The following MYO1D variants were observed in gnomAD, a reference collection of about 807,000 sequenced individuals.
MYO1D encodes unconventional myosin-Id.
In MYO1D, 83 loss-of-function variants were observed where a neutral mutation model predicts 122.0. The ratio of observed to expected loss-of-function variants is 0.68; its 90% CI spans 0.57 to 0.82. The LOEUF (loss-of-function observed/expected upper bound fraction) is 0.82, where lower values mean the gene tolerates loss of function less well. Among genes scored for constraint, MYO1D ranks in the 40% least tolerant of loss-of-function variants. MYO1D has a pLI of 0.00. For missense variants in MYO1D, 1,157 were observed against 1,269.5 expected (o/e 0.91, Z 1.35); for synonymous variants, 464 against 446.9 (o/e 1.04, Z -0.48).
chr17:32,611,990 T>C (rs114727271), intron 20 of MYO1D, among the ~76,000 whole-genome samples: 3,383 of 152,214 alleles, frequency 0.022, 125 homozygotes, highest in African/African-American at 0.075. Context: ...TTCTAACCAG[T>C]AGTAAAAAGA....
chr17:32,766,421 C>T (rs1598080452), intron 7 of MYO1D, among the ~76,000 whole-genome samples: 1 of 152,156 alleles, frequency 6.6e-6, no homozygotes, highest in African/African-American at 2.4e-5. Context: ...TCCTCCCTTA[C>T]CCTACCCTAT....
chr17:32,866,615 A>G (rs2091127178), intron 1 of MYO1D, among the ~76,000 whole-genome samples: 1 of 152,270 alleles, frequency 6.6e-6, no homozygotes, highest in African/African-American at 2.4e-5. Flanking sequence ...CTTGTGCTGC[A>G]TTAGAAGTAT....
chr17:32,570,753 G>C (rs2087218479), intron 21 of MYO1D, among the ~76,000 whole-genome samples: 1 of 152,176 alleles, frequency 6.6e-6, no homozygotes, highest in African/African-American at 2.4e-5. Flanking sequence ...TAAAAACTCA[G>C]TGACATCCCA....
chr17:32,510,054 G>T (rs1449108754), intron 21 of MYO1D: 1 of 152,100 alleles, frequency 6.6e-6, no homozygotes, highest in East Asian at 1.9e-4. Flanking sequence ...GTCATTATGG[G>T]GCACTGTCAT....
intron 16 of MYO1D, among the ~76,000 whole-genome samples, chr17:32,678,282 C>T (rs1435049051): frequency 1.3e-5 from 2 of 150,666 alleles, no homozygotes; most frequent in East Asian, 1.9e-4. Flanking sequence ...TTATACTTTA[C>T]GTTTTAGGGT....
At chr17:32,500,834 A>G (rs1370848682) in intron 21 of MYO1D, among the ~76,000 whole-genome samples, 7 of 152,048 alleles carry the variant, frequency 4.6e-5, no homozygotes, top group African/African-American at 7.2e-5. Flanking sequence ...GTGAAACCCC[A>G]TCTCTACTAG....
At chr17:32,801,191 C>T (rs2090457692) in intron 1 of MYO1D, among the ~76,000 whole-genome samples, 1 of 152,130 alleles carries the variant, frequency 6.6e-6, no homozygotes, top group Admixed American at 6.5e-5. Context: ...TTTACTTAAA[C>T]AAGTCTTACA....
chr17:32,534,620 G>A (rs1222637525), intron 21 of MYO1D, among the ~76,000 whole-genome samples: 1 of 152,218 alleles, frequency 6.6e-6, no homozygotes, highest in Admixed American at 6.5e-5. Context: ...AGGCTTATCA[G>A]TGAGTCCTAT....
At chr17:32,499,570 G>GT (rs1446501370) in intron 21 of MYO1D, among the ~76,000 whole-genome samples, 1 of 151,862 alleles carries the variant, frequency 6.6e-6, no homozygotes, top group Non-Finnish European at 1.5e-5. Flanking sequence ...GGAGGCTGAG[G>GT]TTGCAGTGAG....
At chr17:32,687,834 T>C (rs2089040036) in intron 16 of MYO1D, among the ~76,000 whole-genome samples, 1 of 152,216 alleles carries the variant, frequency 6.6e-6, no homozygotes, top group African/African-American at 2.4e-5. Context: ...GATAAGTACA[T>C]TATTGACGAA....
At chr17:32,864,680 C>T (rs1163785072) in intron 1 of MYO1D, among the ~76,000 whole-genome samples, 1 of 150,370 alleles carries the variant, frequency 6.7e-6, no homozygotes, top group Non-Finnish European at 1.5e-5. Flanking sequence ...GGAGTTATTA[C>T]AGAAAAATCA....
At chr17:32,698,686 T>C (rs2089206386) in intron 16 of MYO1D, among the ~76,000 whole-genome samples, 1 of 152,140 alleles carries the variant, frequency 6.6e-6, no homozygotes, top group African/African-American at 2.4e-5. Context: ...GATTACACTA[T>C]ATTAATCTTT....
chr17:32,738,970 A>G (rs548715032), intron 13 of MYO1D, among the ~76,000 whole-genome samples: 1 of 152,342 alleles, frequency 6.6e-6, no homozygotes, highest in South Asian at 2.1e-4. Flanking sequence ...TAGCATTGGC[A>G]GTTACAATAT....
intron 16 of MYO1D, among the ~76,000 whole-genome samples, chr17:32,687,374 T>C (rs2150971437): frequency 6.6e-6 from 1 of 152,202 alleles, no homozygotes; most frequent in East Asian, 1.9e-4. Context: ...TTTTTTGTAT[T>C]TTTCAGTGGA....
chr17:32,611,284 C>G (rs2087698299), intron 20 of MYO1D, among the ~76,000 whole-genome samples: 1 of 152,278 alleles, frequency 6.6e-6, no homozygotes, highest in Middle Eastern at 3.4e-3. Context: ...TTCGAAAAGA[C>G]AAATATGATA....
chr17:32,524,710 C>A lies in MYO1D; in HGVS notation c.2865-29795G>T, dbSNP rs192942484. ...CCTGAGTAGCTGGGATTACAGGTGC[C>A]CACCACCATGCCTGGCTGATTTTTG... On this transcript the variant is annotated intron_variant, in intron 21 of 21. Transcript: ENST00000318217. 2.2e-3 allele frequency among the ~76,000 whole-genome samples: 339 copies of A among 152,058 alleles called. 2 individuals carry two copies. The highest frequency in any genetic ancestry group is 4.6e-3 in the Admixed American group (71 of 15,270).
intron 17 of MYO1D, among the ~76,000 whole-genome samples, chr17:32,656,188 C>T (rs1027902095): frequency 7.2e-5 from 11 of 152,072 alleles, no homozygotes; most frequent in South Asian, 2.1e-4. Context: ...TTTGATCAGA[C>T]GAATAATCAA....
At chr17:32,607,976 G>A (rs1168175297) in intron 20 of MYO1D, among the ~76,000 whole-genome samples, 2 of 152,142 alleles carry the variant, frequency 1.3e-5, no homozygotes, top group African/African-American at 2.4e-5. Context: ...CTCACATCTC[G>A]TAAACAATTC....
intron 1 of MYO1D, among the ~76,000 whole-genome samples, chr17:32,798,153 G>T (rs2090433986): frequency 6.6e-6 from 1 of 152,160 alleles, no homozygotes; most frequent in South Asian, 2.1e-4. Context: ...CGCTCCTAAA[G>T]TTATTGTTTG....
Sources: allele counts gnomAD v4.1 joint callset (sites outside exome capture counted in the v4.1 genomes callset), GRCh38; gene constraint gnomAD v4.1.1; transcripts MANE v1.5; gene names NCBI Gene and HGNC (gene_info 2026-07-23, HGNC 2026-07-21).